MITF: variants seen among roughly 807,000 people sequenced by gnomAD.
MITF encodes melanocyte inducing transcription factor.
MITF carries 17 observed loss-of-function variants against 60.5 expected under a neutral mutation model. The observed-to-expected ratio is 0.28, with a 90% CI of 0.19 to 0.42. The LOEUF (loss-of-function observed/expected upper bound fraction) is 0.42, where lower values mean the gene tolerates loss of function less well. Among genes scored for constraint, MITF ranks in the 10% least tolerant of loss-of-function variants. MITF has a pLI of 1.00. For missense variants in MITF, 622 were observed against 683.5 expected (o/e 0.91, Z 1.00); for synonymous variants, 260 against 248.5 (o/e 1.05, Z -0.43).
intron 2 of MITF, among the ~76,000 whole-genome samples, chr3:69,924,489 A>G (rs2065540672): frequency 6.6e-6 from 1 of 152,216 alleles, no homozygotes; most frequent in South Asian, 2.1e-4. Context: ...AAATACATAA[A>G]TATGTGTGCA....
intron 1 of MITF, among the ~76,000 whole-genome samples, chr3:69,797,142 A>C (rs938464610): frequency 2.0e-5 from 3 of 152,146 alleles, no homozygotes; most frequent in Non-Finnish European, 4.4e-5. Context: ...CGCTCCCTTC[A>C]AGCCAATTTA....
intron 1 of MITF, among the ~76,000 whole-genome samples, chr3:69,865,724 G>C (rs893707984): frequency 6.6e-6 from 1 of 152,118 alleles, no homozygotes; most frequent in African/African-American, 2.4e-5. Context: ...TCTCTAGCCT[G>C]TCAGCAAGGA....
chr3:69,796,232 C>T (rs1207360842), intron 1 of MITF, among the ~76,000 whole-genome samples: 2 of 152,134 alleles, frequency 1.3e-5, no homozygotes, highest in Admixed American at 6.5e-5. Context: ...CTGCCTGCCT[C>T]GGCCTCCTAA....
At chr3:69,915,985 T>C (rs2065325153) in intron 2 of MITF, among the ~76,000 whole-genome samples, 1 of 152,200 alleles carries the variant, frequency 6.6e-6, no homozygotes, top group Non-Finnish European at 1.5e-5. Context: ...AGGAGGATGA[T>C]TCTGCAGCCA....
intron 1 of MITF, among the ~76,000 whole-genome samples, chr3:69,761,654 A>G (rs566366112): frequency 6.6e-6 from 1 of 152,350 alleles, no homozygotes; most frequent in South Asian, 2.1e-4. Flanking sequence ...AGTTATATCT[A>G]TTAAAGGTGC....
At chr3:69,906,396 T>G (rs1354582852) in intron 2 of MITF, among the ~76,000 whole-genome samples, 3 of 152,132 alleles carry the variant, frequency 2.0e-5, no homozygotes, top group Non-Finnish European at 4.4e-5. Context: ...CAAATTGTTT[T>G]TTGTTGTTTT....
intron 1 of MITF, among the ~76,000 whole-genome samples, chr3:69,776,989 G>C (rs1317939090): frequency 3.3e-5 from 5 of 152,282 alleles, no homozygotes; most frequent in Middle Eastern, 3.4e-3. Flanking sequence ...TAATGTTACT[G>C]TTGGTGTATT....
chr3:69,885,771 C>A (rs942013461), intron 2 of MITF, among the ~76,000 whole-genome samples: 1 of 152,050 alleles, frequency 6.6e-6, no homozygotes, highest in Non-Finnish European at 1.5e-5. Flanking sequence ...GCAGAGGAAC[C>A]AGCATCTTTC....
chr3:69,844,386 A>T (rs1368791940), intron 1 of MITF, among the ~76,000 whole-genome samples: 1 of 152,222 alleles, frequency 6.6e-6, no homozygotes, highest in East Asian at 1.9e-4. Flanking sequence ...TTCCCTATTT[A>T]ATAAATGGTT....
chr3:69,756,465 A>T (rs1559611514), intron 1 of MITF, among the ~76,000 whole-genome samples: 1 of 150,168 alleles, frequency 6.7e-6, no homozygotes, highest in Non-Finnish European at 1.5e-5. Context: ...ACATGAACTC[A>T]TTTTTTTTTT....
intron 1 of MITF, among the ~76,000 whole-genome samples, chr3:69,865,406 G>A (rs1308634880): frequency 6.6e-6 from 1 of 152,100 alleles, no homozygotes; most frequent in East Asian, 1.9e-4. Flanking sequence ...AACTCTGTAG[G>A]GCATCTTTGG....
intron 1 of MITF, among the ~76,000 whole-genome samples, chr3:69,846,884 C>T (rs547701918): frequency 6.7e-6 from 1 of 148,920 alleles, no homozygotes; most frequent in East Asian, 2.0e-4. Context: ...TTGTTTAATA[C>T]AATCCCAGAG....
Position 69,953,585 on chromosome 3 carries a change from G to GTGTATATATATATATGTATGTATA in MITF, c.955+1717_955+1740dup, listed in dbSNP as rs1220358228. 1.9e-4 allele frequency among the ~76,000 whole-genome samples: 28 copies of GTGTATATATATATATGTATGTATA among 149,552 alleles called. 1 individual carries two copies. The South Asian group carries it at 2.3e-3, about 12-fold the overall frequency. On this transcript the variant is annotated intron_variant, in intron 7 of 9. Transcript: ENST00000352241. ...CATTACTGTATGTATGTGTGTATGT[G>GTGTATATATATATATGTATGTATA]TGTATATATATATATGTATGTATAT...
intron 1 of MITF, among the ~76,000 whole-genome samples, chr3:69,811,019 A>T (rs751030047): frequency 1.2e-4 from 18 of 152,178 alleles, no homozygotes; most frequent in African/African-American, 4.1e-4. Context: ...AGTTCTGTAG[A>T]TATATTCTGC....
intron 1 of MITF, among the ~76,000 whole-genome samples, chr3:69,803,925 C>T (rs1026641482): frequency 1.3e-5 from 2 of 151,944 alleles, no homozygotes; most frequent in African/African-American, 4.8e-5. Flanking sequence ...GTATAGTCAC[C>T]GCAAATTAGC....
intron 2 of MITF, among the ~76,000 whole-genome samples, chr3:69,913,154 T>G (rs1292402307): frequency 6.6e-6 from 1 of 152,100 alleles, no homozygotes; most frequent in Non-Finnish European, 1.5e-5. Context: ...AATTATATTT[T>G]ATTTAATTCT....
intron 1 of MITF, among the ~76,000 whole-genome samples, chr3:69,746,663 A>C (rs925652534): frequency 5.9e-5 from 9 of 152,252 alleles, no homozygotes; most frequent in Non-Finnish European, 1.3e-4. Flanking sequence ...AAGATATTAA[A>C]TGCAGCCACC....
rs570246502 is a variant in MITF at position 69,935,811 on chromosome 3, A to G, written c.355-2011A>G. Among the ~76,000 whole-genome samples the G allele has an allele frequency of 2.6e-5, 4 of 152,334 alleles. No individual in the cohort carries two copies. In the South Asian group the frequency reaches 8.3e-4, roughly 32 times the overall value. ...TCACAATGTATATTCTATGCTTTGT[A>G]CAGTGTTTAGCACTTAACAGTCAAT... On this transcript the variant is annotated intron_variant, in intron 2 of 9. Transcript: ENST00000352241.
At chr3:69,959,470 A>G (rs994744791) in intron 9 of MITF, 50 bp downstream of exon 9, 6 of 1,606,006 alleles carry the variant, frequency 3.7e-6, no homozygotes, top group Non-Finnish European at 5.1e-6. Context: ...CGACTTCAAG[A>G]CAGTAGAAAC....
Sources: allele counts gnomAD v4.1 joint callset (sites outside exome capture counted in the v4.1 genomes callset), GRCh38; gene constraint gnomAD v4.1.1; transcripts MANE v1.5; gene names NCBI Gene and HGNC (gene_info 2026-07-23, HGNC 2026-07-21).